The following BRINP1 variants were observed in gnomAD, a reference collection of about 807,000 sequenced individuals.
The protein encoded by BRINP1 is BMP/retinoic acid inducible neural specific 1.
BRINP1 carries 17 observed loss-of-function variants against 72.9 expected under a neutral mutation model. The ratio of observed to expected loss-of-function variants is 0.23; its 90% CI spans 0.16 to 0.35. BRINP1 has a LOEUF of 0.35. BRINP1 is among the 10% of genes least tolerant of loss of function. BRINP1 has a pLI of 1.00. For missense variants in BRINP1, 850 were observed against 1,001.6 expected (o/e 0.85, Z 2.04); for synonymous variants, 418 against 378.5 (o/e 1.10, Z -1.21).
intron 2 of BRINP1, among the ~76,000 whole-genome samples, chr9:119,249,953 GGAGA>G (rs1388935849): frequency 7.9e-6 from 1 of 126,342 alleles, no homozygotes; most frequent in Non-Finnish European, 1.6e-5. Flanking sequence ...AAGGAAGGAA[GGAGA>G]GAGAGAGGGA....
At chr9:119,327,291 G>A (rs1410231006) in intron 1 of BRINP1, among the ~76,000 whole-genome samples, 1 of 152,130 alleles carries the variant, frequency 6.6e-6, no homozygotes, top group East Asian at 1.9e-4. Flanking sequence ...TTTTCCTGAT[G>A]CTCTCTCCTA....
At chr9:119,184,934 T>A (rs917220181) in intron 7 of BRINP1, among the ~76,000 whole-genome samples, 78 of 152,264 alleles carry the variant, frequency 5.1e-4, no homozygotes, top group African/African-American at 1.7e-3. Context: ...GAAATAATAA[T>A]GCTTTCCAAA....
intron 5 of BRINP1, among the ~76,000 whole-genome samples, chr9:119,215,948 G>A (rs1297723582): frequency 6.6e-6 from 1 of 152,202 alleles, no homozygotes; most frequent in Non-Finnish European, 1.5e-5. Flanking sequence ...CAGCCTGCCT[G>A]TTAGGTTCCA....
At chr9:119,178,637 A>T (rs924386081) in intron 7 of BRINP1, among the ~76,000 whole-genome samples, 7 of 152,186 alleles carry the variant, frequency 4.6e-5, no homozygotes, top group African/African-American at 1.4e-4. Flanking sequence ...ACTGTATACC[A>T]GGCATAGTGC....
intron 2 of BRINP1, among the ~76,000 whole-genome samples, chr9:119,303,809 T>G (rs1475127434): frequency 6.6e-6 from 1 of 152,132 alleles, no homozygotes; most frequent in African/African-American, 2.4e-5. Flanking sequence ...GGTGGATACT[T>G]CAGGTATTTG....
intron 7 of BRINP1, among the ~76,000 whole-genome samples, chr9:119,207,461 T>C (rs996979088): frequency 6.6e-6 from 1 of 152,248 alleles, no homozygotes; most frequent in Non-Finnish European, 1.5e-5. Flanking sequence ...AGCTGGCATC[T>C]TGTCTCTCTT....
At chr9:119,246,696 T>A (rs571912029) in intron 3 of BRINP1, among the ~76,000 whole-genome samples, 1 of 152,300 alleles carries the variant, frequency 6.6e-6, no homozygotes, top group East Asian at 1.9e-4. Context: ...GCTCTTTCAT[T>A]CCCTACAACT....
chr9:119,245,208 CACACATAT>C lies in BRINP1; in HGVS notation c.410-3000_410-2993del, dbSNP rs1169718836. ...GCAAGCTCACATACACACACACACA[CACACATAT>C]ACATGTTGCAACCATATATATGTGA... On this transcript the variant is annotated intron_variant, in intron 3 of 7. Transcript: ENST00000265922. Among the ~76,000 whole-genome samples, 3 of 127,360 alleles carry C rather than the reference CACACATAT, an allele frequency of 2.4e-5. No homozygotes were observed. In the East Asian group the frequency reaches 1.0e-3, roughly 43 times the overall value. 83.6% of individuals were successfully genotyped at this position (127,360 alleles called of 152,430 possible).
chr9:119,258,004 A>G (rs1025661010), intron 2 of BRINP1, among the ~76,000 whole-genome samples: 1 of 152,184 alleles, frequency 6.6e-6, no homozygotes, highest in Admixed American at 6.5e-5. Flanking sequence ...GAAGAAGAAA[A>G]AAAGAACTAT....
chr9:119,262,091 G>A (rs896614222), intron 2 of BRINP1, among the ~76,000 whole-genome samples: 3 of 152,164 alleles, frequency 2.0e-5, no homozygotes, highest in Admixed American at 1.3e-4. Flanking sequence ...CCAGGAGCTG[G>A]TTGTGGTTAT....
chr9:119,325,326 T>C (rs1034999511), intron 1 of BRINP1, among the ~76,000 whole-genome samples: 1 of 152,162 alleles, frequency 6.6e-6, no homozygotes, highest in Non-Finnish European at 1.5e-5. Flanking sequence ...TGTCTCCCAG[T>C]ATTCCCCATC....
intron 5 of BRINP1, among the ~76,000 whole-genome samples, chr9:119,236,228 G>A (rs997131507): frequency 2.0e-5 from 3 of 152,104 alleles, no homozygotes; most frequent in South Asian, 2.1e-4. Context: ...GCTCAAACAC[G>A]GATCCAATCC....
intron 1 of BRINP1, among the ~76,000 whole-genome samples, chr9:119,335,556 A>G (rs1041303772): frequency 1.4e-4 from 22 of 152,264 alleles, no homozygotes; most frequent in Non-Finnish European, 2.2e-4. Context: ...CACCTACCCA[A>G]TATCAGTGAT....
At position 119,167,955 on chromosome 9, in the gene BRINP1, T is replaced by G; in HGVS notation, c.1415A>C (p.Glu472Ala). 6.2e-7 allele frequency: 1 copy of G among 1,614,218 alleles called. No individual in the cohort carries two copies. The highest frequency in any genetic ancestry group is 1.1e-5 in the South Asian group (1 of 91,086). The change falls in exon 8 of 8, where the codon GAG becomes GCG. Residue 472 changes from glutamate to alanine, a missense_variant. Transcript: ENST00000265922. This position sits in a 1 kb window ranked among gnomAD's most constrained non-coding sequence, Gnocchi z 4.3. Reference protein sequence around the residue: ...EPQNVDSERSEQFISFETDLD... With the variant: ...EPQNVDSERSAQFISFETDLD... ...GTCAGTCTCAAAGCTGATGAACTGCTCGCTCCGCTCCGAGTCCACGTTCTG... is the reference window on the plus strand; with the variant it reads ...GTCAGTCTCAAAGCTGATGAACTGCGCGCTCCGCTCCGAGTCCACGTTCTG...
intron 7 of BRINP1, among the ~76,000 whole-genome samples, chr9:119,172,409 C>T (rs982787620): frequency 3.5e-4 from 53 of 152,240 alleles, no homozygotes; most frequent in Non-Finnish European, 5.1e-4. Flanking sequence ...TCCACACATA[C>T]GCTCTCCCAA....
At chr9:119,171,624 A>G (rs1284844473) in intron 7 of BRINP1, among the ~76,000 whole-genome samples, 2 of 121,848 alleles carry the variant, frequency 1.6e-5, no homozygotes, top group African/African-American at 6.4e-5. Flanking sequence ...GCTCTGCACC[A>G]AGCGGACCTA....
At chr9:119,179,178 C>T (rs1175080047) in intron 7 of BRINP1, among the ~76,000 whole-genome samples, 1 of 152,198 alleles carries the variant, frequency 6.6e-6, no homozygotes, top group Non-Finnish European at 1.5e-5. Flanking sequence ...CACAACCCCA[C>T]TGAAAGCCAG....
At chr9:119,179,113 A>C (rs188410694) in intron 7 of BRINP1, among the ~76,000 whole-genome samples, 2 of 152,254 alleles carry the variant, frequency 1.3e-5, no homozygotes, top group Admixed American at 1.3e-4. Flanking sequence ...CAACCCCGGC[A>C]ACAGAGAAGC....
intron 1 of BRINP1, among the ~76,000 whole-genome samples, chr9:119,364,983 G>A (rs1262290636): frequency 3.3e-5 from 5 of 152,206 alleles, no homozygotes; most frequent in African/African-American, 4.8e-5. Flanking sequence ...AGATGCAACA[G>A]GAAATGCAAG....
Sources: gnomAD v4.1 joint callset for allele counts (sites outside exome capture counted in the v4.1 genomes callset) on GRCh38, gnomAD v4.1.1 for gene constraint, Gnocchi (gnomAD v3.1) non-coding constraint, MANE v1.5 for transcripts, NCBI Gene and HGNC (gene_info 2026-07-23, HGNC 2026-07-21) for gene names.